Variants in CHLSN observed in about 807,000 individuals in gnomAD.
CHLSN encodes protein cholesin.
the CHLSN span, among the ~76,000 whole-genome samples, chr7:1,039,060 G>T: frequency 1.4e-5 from 1 of 70,708 alleles, no homozygotes; most frequent in Admixed American, 1.3e-4. Flanking sequence ...AGGGAGGTGG[G>T]GGGGGTCAGC....
At chr7:1,001,431 G>GA in the CHLSN span, among the ~76,000 whole-genome samples, 1 of 146,982 alleles carries the variant, frequency 6.8e-6, no homozygotes, top group African/African-American at 2.5e-5. Context: ...TCCTGTGGGT[G>GA]GGGATTCCTG....
At chr7:978,523 A>G in the CHLSN span, among the ~76,000 whole-genome samples, 2 of 152,194 alleles carry the variant, frequency 1.3e-5, no homozygotes, top group African/African-American at 4.8e-5. Context: ...TGTCTACAAG[A>G]AAAAAGGAAA....
the CHLSN span, among the ~76,000 whole-genome samples, chr7:1,014,180 A>G: frequency 1.3e-5 from 2 of 152,224 alleles, no homozygotes; most frequent in Non-Finnish European, 2.9e-5. Context: ...CAAACCACAA[A>G]GCCAAACCCT....
At chr7:1,059,825 G>A in the CHLSN span, among the ~76,000 whole-genome samples, 12 of 57,766 alleles carry the variant, frequency 2.1e-4, no homozygotes, top group South Asian at 1.3e-3. Context: ...GTCTGTAGTG[G>A]GGCGGGTCTG....
At chr7:1,106,843 G>A in the CHLSN span, among the ~76,000 whole-genome samples, 13 of 152,330 alleles carry the variant, frequency 8.5e-5, no homozygotes, top group East Asian at 3.9e-4. Context: ...CTGCAGTGGC[G>A]AAGGGCAGCT....
the CHLSN span, among the ~76,000 whole-genome samples, chr7:1,110,177 G>A: frequency 1.3e-5 from 2 of 151,488 alleles, no homozygotes; most frequent in African/African-American, 4.9e-5. Context: ...CGGCACCAGC[G>A]CATGTGGTAG....
At chr7:1,055,205 G>A in the CHLSN span, 40 of 469,878 alleles carry the variant, frequency 8.5e-5, no homozygotes, top group South Asian at 5.6e-4. Context: ...CTGGAACCCG[G>A]CTGTAAACAG....
chr7:1,015,550 G>A, the CHLSN span, among the ~76,000 whole-genome samples: 2 of 152,242 alleles, frequency 1.3e-5, no homozygotes, highest in Non-Finnish European at 2.9e-5. Flanking sequence ...GTCTAAGGGA[G>A]CAGAGCCTTC....
chr7:1,070,430 G>A, the CHLSN span, among the ~76,000 whole-genome samples: 3 of 121,822 alleles, frequency 2.5e-5, no homozygotes, highest in African/African-American at 7.9e-5. Context: ...CGCCCCTACT[G>A]GGAAGTGAGG....
chr7:998,081 G>A, the CHLSN span, among the ~76,000 whole-genome samples: 6 of 152,208 alleles, frequency 3.9e-5, no homozygotes, highest in South Asian at 1.2e-3. Flanking sequence ...TCAGAAAAAC[G>A]AGAAAATACG....
chr7:1,044,140 AAG>A, the CHLSN span, among the ~76,000 whole-genome samples: 1 of 152,218 alleles, frequency 6.6e-6, no homozygotes, highest in Non-Finnish European at 1.5e-5. Context: ...TCGGTGAAGA[AAG>A]AGGGGCAGGT....
At chr7:995,261 C>T in the CHLSN span, among the ~76,000 whole-genome samples, 1 of 152,244 alleles carries the variant, frequency 6.6e-6, no homozygotes, top group African/African-American at 2.4e-5. Context: ...CAGGTGACTT[C>T]TCTGCGCCAC....
At chr7:1,011,810 C>T in the CHLSN span, among the ~76,000 whole-genome samples, 2 of 152,180 alleles carry the variant, frequency 1.3e-5, no homozygotes, top group Non-Finnish European at 2.9e-5. Context: ...CAGCAAGAGA[C>T]AGGGCCTGGG....
the CHLSN span, among the ~76,000 whole-genome samples, chr7:1,022,045 G>A: frequency 3.4e-4 from 51 of 152,158 alleles, no homozygotes; most frequent in African/African-American, 1.1e-3. Flanking sequence ...GGGCCACATC[G>A]GACAGGCCAT....
the CHLSN span, chr7:1,093,923 C>CA: frequency 3.1e-6 from 1 of 327,626 alleles, no homozygotes; most frequent in Non-Finnish European, 6.1e-6. Context: ...CCTCCCCTGC[C>CA]ACCCTGAAAA....
At chr7:1,099,242 G>A in the CHLSN span, among the ~76,000 whole-genome samples, 22 of 148,574 alleles carry the variant, frequency 1.5e-4, no homozygotes, top group East Asian at 7.9e-4. Flanking sequence ...CCTCGCTGTC[G>A]CGTTCCTGCA....
chr7:1,064,332 C>A, the CHLSN span, among the ~76,000 whole-genome samples: 1 of 152,118 alleles, frequency 6.6e-6, no homozygotes, highest in Non-Finnish European at 1.5e-5. Context: ...GATGGCTCCA[C>A]TCTTGGAAGC....
chr7:1,115,721 C>A, the CHLSN span, among the ~76,000 whole-genome samples: 39 of 114,408 alleles, frequency 3.4e-4, 3 homozygotes, highest in South Asian at 0.011. Context: ...CTCTACGGAC[C>A]GGCTTCCATC....
At chr7:1,033,559 C>CA in the CHLSN span, among the ~76,000 whole-genome samples, 2,201 of 133,250 alleles carry the variant, frequency 0.017, 21 homozygotes, top group East Asian at 0.023. Context: ...AACTCCGTCT[C>CA]AAAAAAAAAA....
Sources: allele counts gnomAD v4.1 joint callset (sites outside exome capture counted in the v4.1 genomes callset), GRCh38; gene constraint gnomAD v4.1.1; transcripts MANE v1.5; gene names NCBI Gene and HGNC (gene_info 2026-07-23, HGNC 2026-07-21).